PRKCB: variants seen among roughly 807,000 people sequenced by gnomAD.
PRKCB encodes protein kinase C beta.
A neutral mutation model predicts 81.5 loss-of-function variants in PRKCB; 13 were observed. The observed-to-expected ratio is 0.16, with a 90% CI of 0.10 to 0.25. The LOEUF (loss-of-function observed/expected upper bound fraction) is 0.25. Among genes scored for constraint, PRKCB ranks in the 10% least tolerant of loss-of-function variants. The pLI, the probability that PRKCB is intolerant of heterozygous loss-of-function variation, is 1.00. For missense variants in PRKCB, 509 were observed against 875.7 expected (o/e 0.58, Z 5.29); for synonymous variants, 335 against 321.4 (o/e 1.04, Z -0.45).
chr16:24,172,225 A>G (rs772693473), intron 10 of PRKCB, 45 bp from the exon 11 acceptor site: 3 of 1,459,626 alleles, frequency 2.1e-6, no homozygotes, highest in Non-Finnish European at 2.9e-6. Context: ...TTGGAGCCCC[A>G]GAAGCTACGG....
At chr16:23,854,786 C>T (rs1464254441) in intron 2 of PRKCB, among the ~76,000 whole-genome samples, 3 of 152,168 alleles carry the variant, frequency 2.0e-5, no homozygotes, top group Non-Finnish European at 4.4e-5. Context: ...TTGGAACCCA[C>T]CACACTAATT....
intron 5 of PRKCB, among the ~76,000 whole-genome samples, chr16:24,080,517 G>A (rs6497718): frequency 0.023 from 3,478 of 152,120 alleles, 99 homozygotes; most frequent in African/African-American, 0.066. Flanking sequence ...TGGTGGTGTC[G>A]GGGGAGCAGG....
intron 3 of PRKCB, among the ~76,000 whole-genome samples, chr16:23,998,682 A>G (rs967286132): frequency 6.6e-6 from 1 of 152,246 alleles, no homozygotes; most frequent in Non-Finnish European, 1.5e-5. Context: ...CACTTAGGAC[A>G]GTGTCTGGTG....
At chr16:24,087,566 G>A (rs1294369878) in intron 5 of PRKCB, among the ~76,000 whole-genome samples, 1 of 152,176 alleles carries the variant, frequency 6.6e-6, no homozygotes, top group Non-Finnish European at 1.5e-5. Flanking sequence ...GACACACAGT[G>A]AGGACAAAGC....
chr16:24,119,290 A>T (rs1317059468), intron 8 of PRKCB, among the ~76,000 whole-genome samples: 2 of 152,076 alleles, frequency 1.3e-5, no homozygotes, highest in African/African-American at 2.4e-5. Flanking sequence ...GTGCTGAGGG[A>T]TGAGGCTGTT....
chr16:24,140,637 G>A (rs1385769853), intron 9 of PRKCB, among the ~76,000 whole-genome samples: 1 of 152,102 alleles, frequency 6.6e-6, no homozygotes, highest in African/African-American at 2.4e-5. Context: ...TGGCTTATGG[G>A]TTCACGTCGG....
chr16:23,933,820 A>G (rs1032070285), intron 2 of PRKCB, among the ~76,000 whole-genome samples: 2 of 127,934 alleles, frequency 1.6e-5, no homozygotes, highest in Admixed American at 8.0e-5. Context: ...CCATCCATCC[A>G]TCTTCTGTTT....
At chr16:24,078,865 G>C (rs1043571462) in intron 5 of PRKCB, among the ~76,000 whole-genome samples, 1 of 152,128 alleles carries the variant, frequency 6.6e-6, no homozygotes, top group Non-Finnish European at 1.5e-5. Flanking sequence ...GAAAATAGTT[G>C]ACACTAAACT....
intron 5 of PRKCB, among the ~76,000 whole-genome samples, chr16:24,049,649 C>A (rs775092999): frequency 1.3e-5 from 2 of 152,106 alleles, no homozygotes; most frequent in African/African-American, 2.4e-5. Context: ...GCCCAGGGAA[C>A]ATCTAGAAGC....
chr16:23,903,349 C>T (rs549500856), intron 2 of PRKCB, among the ~76,000 whole-genome samples: 2 of 151,792 alleles, frequency 1.3e-5, no homozygotes, highest in Admixed American at 6.6e-5. Flanking sequence ...TTTTTCTAAG[C>T]GTATGGAGAC....
intron 7 of PRKCB, among the ~76,000 whole-genome samples, chr16:24,095,048 G>A (rs771863040): frequency 6.6e-6 from 1 of 152,032 alleles, no homozygotes; most frequent in African/African-American, 2.4e-5. Context: ...CTTTAGACAG[G>A]ACATGGATTT....
chr16:24,018,438 A>G (rs903820158), intron 3 of PRKCB, among the ~76,000 whole-genome samples: 5 of 152,194 alleles, frequency 3.3e-5, no homozygotes, highest in Non-Finnish European at 7.4e-5. Context: ...CTAGGAATTA[A>G]GCATTATTAT....
intron 2 of PRKCB, among the ~76,000 whole-genome samples, chr16:23,875,580 A>ATG (rs1555480936): frequency 2.0e-4 from 3 of 15,150 alleles, no homozygotes; most frequent in Admixed American, 8.2e-4. Flanking sequence ...TATCAAACAC[A>ATG]TATGTATATC....
At chr16:24,106,421 A>G (rs993667980) in intron 7 of PRKCB, among the ~76,000 whole-genome samples, 7 of 152,252 alleles carry the variant, frequency 4.6e-5, no homozygotes, top group South Asian at 2.1e-4. Flanking sequence ...CCCAGTGCCC[A>G]TAACCACTAT....
At chr16:23,957,347 A>G (rs186978543) in intron 2 of PRKCB, among the ~76,000 whole-genome samples, 41 of 152,372 alleles carry the variant, frequency 2.7e-4, no homozygotes, top group Non-Finnish European at 5.6e-4. Flanking sequence ...AAACTAGTAA[A>G]TGTGTAGCCC....
chr16:24,109,073 CA>C (rs1966628813), intron 7 of PRKCB, among the ~76,000 whole-genome samples: 4 of 137,720 alleles, frequency 2.9e-5, no homozygotes, highest in Admixed American at 6.9e-5. Flanking sequence ...GCTGGCCGGG[CA>C]GAGGGGCTCC....
At chr16:24,100,399 C>A (rs538307361) in intron 7 of PRKCB, among the ~76,000 whole-genome samples, 63 of 152,298 alleles carry the variant, frequency 4.1e-4, no homozygotes, top group Admixed American at 1.2e-3. Flanking sequence ...TGCTGAAGAT[C>A]CTGGCCTGTT....
chr16:24,070,188 G>A (rs187150721), intron 5 of PRKCB, among the ~76,000 whole-genome samples: 3 of 147,264 alleles, frequency 2.0e-5, no homozygotes, highest in Non-Finnish European at 3.0e-5. Flanking sequence ...TTGCTCTGTC[G>A]TCCAGGCTGG....
At chr16:23,984,849 A>G (rs1286141502) in intron 2 of PRKCB, among the ~76,000 whole-genome samples, 2 of 152,164 alleles carry the variant, frequency 1.3e-5, no homozygotes, top group Non-Finnish European at 2.9e-5. Flanking sequence ...AAGCTCAGGG[A>G]TGGGGCGAGA....
Sources: allele counts gnomAD v4.1 joint callset (sites outside exome capture counted in the v4.1 genomes callset), GRCh38; gene constraint gnomAD v4.1.1; transcripts MANE v1.5; gene names NCBI Gene and HGNC (gene_info 2026-07-23, HGNC 2026-07-21).